Variants in MGRN1 observed in about 807,000 individuals in gnomAD.
MGRN1 encodes E3 ubiquitin-protein ligase MGRN1.
In MGRN1, 29 loss-of-function variants were observed where a neutral mutation model predicts 69.2. The observed-to-expected ratio is 0.42, with a 90% CI of 0.31 to 0.57. The LOEUF (loss-of-function observed/expected upper bound fraction) is 0.57, where lower values mean the gene tolerates loss of function less well. Among genes scored for constraint, MGRN1 ranks in the 20% least tolerant of loss-of-function variants. The probability of loss-of-function intolerance (pLI) is 0.15; values close to 1 mark genes in which losing one functional copy is unlikely to be tolerated. For missense variants in MGRN1, 998 were observed against 796.2 expected, an observed-to-expected ratio of 1.25 and a Z score of -3.05; for synonymous variants, 470 against 344.2, an observed-to-expected ratio of 1.37 and a Z score of -4.04.
At chr16:4,651,106 C>T (rs1281727778) in intron 2 of MGRN1, 1 of 135,642 alleles carries the variant, frequency 7.4e-6, no homozygotes. Flanking sequence ...GAGACTGTCT[C>T]AAAGAAAAAA....
In MGRN1 at chr16:4,678,009, A is replaced by T. The variant is rs557936539; in HGVS notation, c.1065+437A>T. 2.0e-4 allele frequency among the ~76,000 whole-genome samples: 30 copies of T among 151,706 alleles called. No homozygotes were observed. In the South Asian group the frequency reaches 6.3e-3, roughly 32 times the overall value. ...ACCACGGGCGTGTACCACCACGCCG[A>T]GCTAATGTTTTGTATTTTTAGTAAG... On this transcript the variant is annotated intron_variant, in intron 11 of 16. Transcript: ENST00000262370.
intron 4 of MGRN1, among the ~76,000 whole-genome samples, chr16:4,654,622 C>T (rs1437462702): frequency 7.2e-5 from 11 of 152,238 alleles, no homozygotes; most frequent in South Asian, 2.1e-4. Context: ...ATGCTGTCCC[C>T]GCTGAGTGGC....
At chr16:4,654,471 C>G (rs146409977) in intron 4 of MGRN1, among the ~76,000 whole-genome samples, 2 of 152,360 alleles carry the variant, frequency 1.3e-5, no homozygotes, top group East Asian at 3.9e-4. Flanking sequence ...AGGACTGCCT[C>G]CAGGCTACAA....
At chr16:4,644,088 C>T (rs1445454201) in intron 1 of MGRN1, among the ~76,000 whole-genome samples, 1 of 151,912 alleles carries the variant, frequency 6.6e-6, no homozygotes, top group Non-Finnish European at 1.5e-5. Context: ...AGCAATTCTG[C>T]TGTCTTGGCC....
chr16:4,687,910 A>G (rs945594573), intron 16 of MGRN1: 1 of 985,524 alleles, frequency 1.0e-6, no homozygotes, highest in African/African-American at 1.7e-5. Flanking sequence ...GTCCTGAGCC[A>G]TTATACCCCT....
chr16:4,650,286 C>A (rs1178027645), intron 1 of MGRN1, 79 bp from the exon 2 acceptor site: 3 of 1,109,612 alleles, frequency 2.7e-6, no homozygotes, highest in Non-Finnish European at 2.6e-6. Flanking sequence ...CTGGGTGGAG[C>A]GCCACTGCAC....
intron 10 of MGRN1, among the ~76,000 whole-genome samples, 184 bp downstream of exon 10, chr16:4,673,841 G>T (rs1299079250): frequency 6.6e-6 from 1 of 152,200 alleles, no homozygotes; most frequent in Non-Finnish European, 1.5e-5. Context: ...GAGAGAGCTG[G>T]CAGGGACGCT....
intron 1 of MGRN1, among the ~76,000 whole-genome samples, chr16:4,643,116 T>C (rs781332293): frequency 2.6e-5 from 4 of 151,852 alleles, no homozygotes; most frequent in Non-Finnish European, 4.4e-5. Context: ...CCACCATGCC[T>C]GGCTAATTTT....
At chr16:4,659,326 G>T (rs1214768599) in intron 5 of MGRN1, among the ~76,000 whole-genome samples, 1 of 152,108 alleles carries the variant, frequency 6.6e-6, no homozygotes, top group African/African-American at 2.4e-5. Context: ...CTGAGCTCTG[G>T]GGAGTGGGAG....
chr16:4,637,267 TA>T (rs1467365838), intron 1 of MGRN1, among the ~76,000 whole-genome samples: 1 of 150,768 alleles, frequency 6.6e-6, no homozygotes, highest in Non-Finnish European at 1.5e-5. Context: ...CCGTCTCTAC[TA>T]AAAATTCAAA....
chr16:4,684,418 C>T (rs943227596), intron 16 of MGRN1, among the ~76,000 whole-genome samples: 4 of 152,216 alleles, frequency 2.6e-5, no homozygotes, highest in East Asian at 3.9e-4. Flanking sequence ...AGGTACCACA[C>T]GCTGTGCTGG....
At chr16:4,681,054 C>T (rs1316252073) in intron 12 of MGRN1, among the ~76,000 whole-genome samples, 1 of 152,250 alleles carries the variant, frequency 6.6e-6, no homozygotes, top group African/African-American at 2.4e-5. Context: ...AACAGTGGCT[C>T]TTAGCCAGGG....
Position 4,652,795 on chromosome 16 carries a change from A to G in MGRN1, c.414A>G (p.Ala138=), listed in dbSNP as rs774870867. ...TGGCCATCACCATCTACTGCCAGGC[A>G]TCGGAGGAGTTCCTGAACGGCAGGG... is the stretch of plus-strand genomic sequence containing the variant. ...ARVAITIYCQ[A]SEEFLNGRAV... is the part of the protein sequence containing the mutation. The change falls in exon 4 of 17, where the codon GCA becomes GCG. Residue 138 remains alanine, a synonymous_variant. Coordinates refer to ENST00000262370, the MANE Select transcript of MGRN1 (RefSeq NM_015246.4). 10 of 1,610,816 alleles carry G rather than the reference A, an allele frequency of 6.2e-6. No individual in the cohort carries two copies. The highest frequency in any genetic ancestry group is 8.5e-6 in the Non-Finnish European group (10 of 1,178,606).
At chr16:4,645,207 C>G (rs1242754080) in intron 1 of MGRN1, among the ~76,000 whole-genome samples, 2 of 151,988 alleles carry the variant, frequency 1.3e-5, no homozygotes, top group Non-Finnish European at 2.9e-5. Context: ...GTTGCCCAGG[C>G]TGGAGTGCAG....
At chr16:4,643,973 T>C (rs199674537) in intron 1 of MGRN1, among the ~76,000 whole-genome samples, 1 of 151,612 alleles carries the variant, frequency 6.6e-6, no homozygotes, top group East Asian at 1.9e-4. Flanking sequence ...TAGTTTTTTT[T>C]GTTTGTTTGT....
At chr16:4,642,107 T>A (rs1339558508) in intron 1 of MGRN1, among the ~76,000 whole-genome samples, 1 of 149,156 alleles carries the variant, frequency 6.7e-6, no homozygotes, top group Non-Finnish European at 1.5e-5. Flanking sequence ...TGCATTTCCC[T>A]GTCAGCATAT....
Position 4,664,768 on chromosome 16 carries a change from A to G in MGRN1, c.621A>G (p.Glu207=). 6.2e-7 allele frequency: 1 copy of G among 1,614,182 alleles called. No individual in the cohort carries two copies. Among genetic ancestry groups the G allele is most frequent in the Non-Finnish European group, 8.5e-7 (1 of 1,180,024 alleles). Residue 207 remains glutamate, a synonymous_variant, in exon 6 of 17, where the codon GAA becomes GAG. Coordinates refer to ENST00000262370, the MANE Select transcript of MGRN1 (RefSeq NM_015246.4). ...FPVVIQAVVD[E]GDVVEVTGHA... ...TAGTCATCCAGGCTGTGGTGGACGAAGGAGATGGTGAGTGCGTCCTCTTCC... is the reference window on the plus strand; with the variant it reads ...TAGTCATCCAGGCTGTGGTGGACGAGGGAGATGGTGAGTGCGTCCTCTTCC...
intron 1 of MGRN1, among the ~76,000 whole-genome samples, chr16:4,628,621 T>C (rs1446369593): frequency 6.6e-6 from 1 of 152,108 alleles, no homozygotes; most frequent in East Asian, 1.9e-4. Context: ...CTCGGCTCAG[T>C]GCAACGTCCG....
chr16:4,646,274 TAAAC>T (rs758854193), intron 1 of MGRN1, among the ~76,000 whole-genome samples: 8 of 152,068 alleles, frequency 5.3e-5, no homozygotes, highest in Non-Finnish European at 8.8e-5. Flanking sequence ...CTACAAAAAA[TAAAC>T]AAAAATGAGC....
Sources: allele counts gnomAD v4.1 joint callset (sites outside exome capture counted in the v4.1 genomes callset), GRCh38; gene constraint gnomAD v4.1.1; transcripts MANE v1.5; gene names NCBI Gene and HGNC (gene_info 2026-07-23, HGNC 2026-07-21).